The following DAZL variants were observed in gnomAD, a reference collection of about 807,000 sequenced individuals.
DAZL encodes the protein deleted in azoospermia like.
DAZL carries 4 observed loss-of-function variants against 45.0 expected under a neutral mutation model. The observed-to-expected ratio is 0.09, with a 90% CI of 0.04 to 0.20. DAZL has a LOEUF of 0.20. DAZL is among the 10% of genes least tolerant of loss of function. DAZL has a pLI of 1.00. For synonymous variants in DAZL, 122 were observed against 112.4 expected, an observed-to-expected ratio of 1.09 and a Z score of -0.54; for missense variants, 326 against 351.3, an observed-to-expected ratio of 0.93 and a Z score of 0.58.
chr3:16,596,489 T>C (rs887128219), intron 6 of DAZL, among the ~76,000 whole-genome samples: 1 of 147,286 alleles, frequency 6.8e-6, no homozygotes, highest in Admixed American at 7.0e-5. Flanking sequence ...ACTAGTTATA[T>C]GGGGGGAAAA....
intron 10 of DAZL, among the ~76,000 whole-genome samples, chr3:16,591,578 C>T (rs1487426405): frequency 2.2e-4 from 33 of 151,880 alleles, no homozygotes; most frequent in Non-Finnish European, 2.4e-4. Context: ...GGACTACAGG[C>T]GTGCACCATC....
intron 1 of DAZL, among the ~76,000 whole-genome samples, chr3:16,601,293 AT>A (rs60382976): frequency 0.16 from 24,296 of 152,188 alleles, 2,391 homozygotes; most frequent in East Asian, 0.46. Context: ...ATTTGATATT[AT>A]TAGGAAGTCT....
intron 1 of DAZL, chr3:16,604,427 T>C: frequency 6.5e-7 from 1 of 1,530,072 alleles, no homozygotes; most frequent in Non-Finnish European, 8.7e-7. Flanking sequence ...TAATGGTAAC[T>C]GCTGAAACCA....
chr3:16,603,893 G>A (rs1389285375), intron 1 of DAZL, among the ~76,000 whole-genome samples: 1 of 152,066 alleles, frequency 6.6e-6, no homozygotes, highest in East Asian at 1.9e-4. Context: ...AAATTTAACG[G>A]TTATAAGTGT....
intron 10 of DAZL, among the ~76,000 whole-genome samples, chr3:16,591,753 TA>T (rs757411734): frequency 7.9e-5 from 12 of 152,198 alleles, no homozygotes; most frequent in Non-Finnish European, 1.8e-4. Context: ...TTTCTGTATC[TA>T]AAATTTTCTT....
intron 10 of DAZL, 116 bp downstream of exon 10, chr3:16,591,934 G>T: frequency 8.1e-7 from 1 of 1,228,034 alleles, no homozygotes; most frequent in Non-Finnish European, 1.2e-6. Context: ...ATAGTCAAAT[G>T]CCAACAGTTA....
At chr3:16,604,786 G>C (rs539571606) in intron 1 of DAZL, 15 of 1,358,450 alleles carry the variant, frequency 1.1e-5, no homozygotes, top group African/African-American at 1.5e-5. Context: ...GAGGCGCGTG[G>C]GAGTGGGGGA....
chr3:16,598,025 G>C, intron 3 of DAZL, 62 bp downstream of exon 3: 1 of 1,378,668 alleles, frequency 7.3e-7, no homozygotes, highest in East Asian at 2.4e-5. Flanking sequence ...TACCAATTTT[G>C]AAGTCTTCTC....
chr3:16,597,691 C>A lies in DAZL; in HGVS notation c.243-150G>T, dbSNP rs1352006118. Reference sequence around the variant, plus strand: ...GTACATGATAGATCCTCTACAAATACTGCTTTTTCTTCATCTGAACTATGT... The same window carrying A: ...GTACATGATAGATCCTCTACAAATAATGCTTTTTCTTCATCTGAACTATGT... On this transcript the variant is annotated intron_variant, in intron 3 of 10. Coordinates refer to ENST00000399444, the MANE Select transcript of DAZL (RefSeq NM_001351.4). 1.2e-5 allele frequency: 8 copies of A among 642,058 alleles called. No individual in the cohort carries two copies. In the Admixed American group the frequency reaches 2.0e-4, roughly 16 times the overall value. The allele number at this position is 642,058 out of a possible 1,614,324, so 39.8% of individuals were successfully genotyped here.
intron 10 of DAZL, 26 bp from the exon 11 acceptor site, chr3:16,588,739 T>TA (rs1451683681): frequency 6.3e-7 from 1 of 1,599,382 alleles, no homozygotes; most frequent in Non-Finnish European, 8.6e-7. Flanking sequence ...AGAGTCCTTT[T>TA]ACTTTACTGA....
intron 1 of DAZL, among the ~76,000 whole-genome samples, chr3:16,603,246 A>AATTTT (rs1694719648): frequency 6.6e-6 from 1 of 152,244 alleles, no homozygotes; most frequent in Non-Finnish European, 1.5e-5. Flanking sequence ...AATTGTTACC[A>AATTTT]AAGGGGTAAA....
At chr3:16,604,745 A>C in intron 1 of DAZL, 1 of 1,356,098 alleles carries the variant, frequency 7.4e-7, no homozygotes, top group Non-Finnish European at 9.4e-7. Flanking sequence ...AGCCACGGGG[A>C]GAGCGCGCCA....
At position 16,593,712 on chromosome 3, in the gene DAZL, C is replaced by T; in HGVS notation, c.678G>A (p.Val226=). ...CNEVDPGAEV[V]PNECSVHEAT... ...CTTCATGAACTGAACATTCATTTGGCACAACTTCAGCTCCTGGATCAACTT... is the reference window on the plus strand; with the variant it reads ...CTTCATGAACTGAACATTCATTTGGTACAACTTCAGCTCCTGGATCAACTT... The change falls in exon 9 of 11, where the codon GTG becomes GTA. Residue 226 remains valine, a synonymous_variant. Coordinates refer to ENST00000399444, the MANE Select transcript of DAZL (RefSeq NM_001351.4). 1 of 1,612,768 alleles carries T rather than the reference C, an allele frequency of 6.2e-7. No individual in the cohort carries two copies. The highest frequency in any genetic ancestry group is 8.5e-7 in the Non-Finnish European group (1 of 1,179,260).
Position 16,596,903 on chromosome 3 carries a change from AAAAAG to A in DAZL, c.359-19_359-15del. 1 of 1,613,836 alleles carries A rather than the reference AAAAAG, an allele frequency of 6.2e-7. No homozygotes were observed. The highest frequency in any genetic ancestry group is 8.5e-7 in the Non-Finnish European group (1 of 1,179,758). On this transcript the variant is annotated splice_polypyrimidine_tract_variant and intron_variant, in intron 5 of 10. Transcript: ENST00000399444. Reference sequence around the variant, plus strand: ...CATGATAAGCACCTTTTTGAAAAGCAAAAAGAAAAGGCCTATTTTTAGTTCTTTGA... The same window carrying A: ...CATGATAAGCACCTTTTTGAAAAGCAAAAAGGCCTATTTTTAGTTCTTTGA...
chr3:16,591,489 G>A (rs550821885), intron 10 of DAZL, among the ~76,000 whole-genome samples: 2 of 150,762 alleles, frequency 1.3e-5, no homozygotes, highest in Admixed American at 6.6e-5. Context: ...GAGTACAGTG[G>A]CACAATCATG....
rs1225334544 is a variant in DAZL at position 16,588,595 on chromosome 3, T to C, written c.*65A>G. On this transcript the variant is annotated 3_prime_UTR_variant, in exon 11 of 11. Transcript: ENST00000399444. ...CCAAAATTCAGAATTTCTATAATAGTGGAAACCTTTTAGCTTAATATTCAA... is the reference window on the plus strand; with the variant it reads ...CCAAAATTCAGAATTTCTATAATAGCGGAAACCTTTTAGCTTAATATTCAA... 2 of 1,277,386 alleles carry C rather than the reference T, an allele frequency of 1.6e-6. No homozygotes were observed. Among genetic ancestry groups the C allele is most frequent in the Non-Finnish European group, 2.3e-6 (2 of 873,982 alleles). The allele number at this position is 1,277,386 out of a possible 1,614,324, so 79.1% of individuals were successfully genotyped here.
At chr3:16,593,796 T>C (rs745610727) in intron 8 of DAZL, 28 bp from the exon 9 acceptor site, 10 of 1,404,196 alleles carry the variant, frequency 7.1e-6, no homozygotes, top group African/African-American at 2.8e-5. Flanking sequence ...AAAGTGTAAT[T>C]AAACAGATAT....
At chr3:16,604,585 CA>C (rs1479318958) in intron 1 of DAZL, 1 of 1,410,938 alleles carries the variant, frequency 7.1e-7, no homozygotes, top group Non-Finnish European at 9.2e-7. Context: ...GCCATGCCTT[CA>C]GGACGCCCCA....
At chr3:16,588,764 T>C in intron 10 of DAZL, 51 bp from the exon 11 acceptor site, 1 of 1,432,630 alleles carries the variant, frequency 7.0e-7, no homozygotes, top group Non-Finnish European at 9.8e-7. Context: ...TTCTGATTAC[T>C]ACTATAGATC....
Sources: gnomAD v4.1 joint callset for allele counts (sites outside exome capture counted in the v4.1 genomes callset) on GRCh38, gnomAD v4.1.1 for gene constraint, MANE v1.5 for transcripts, NCBI Gene and HGNC (gene_info 2026-07-23, HGNC 2026-07-21) for gene names.